The following BICDL1 variants were observed in gnomAD, a reference collection of about 807,000 sequenced individuals.
BICDL1 encodes BICD family-like cargo adapter 1.
BICDL1 carries 20 observed loss-of-function variants against 76.8 expected under a neutral mutation model. The observed-to-expected ratio is 0.26, with a 90% CI of 0.18 to 0.38. The LOEUF is 0.38. BICDL1 is among the 10% of genes least tolerant of loss of function. BICDL1 has a pLI of 1.00. For missense variants in BICDL1, 700 were observed against 798.6 expected (o/e 0.88, Z 1.49); for synonymous variants, 383 against 337.1 (o/e 1.14, Z -1.49).
intron 2 of BICDL1, among the ~76,000 whole-genome samples, chr12:120,049,811 T>TG (rs1952818475): frequency 6.6e-6 from 1 of 152,146 alleles, no homozygotes; most frequent in Non-Finnish European, 1.5e-5. Context: ...TCTTCCAATT[T>TG]GGTAATTTTC....
intron 2 of BICDL1, among the ~76,000 whole-genome samples, chr12:120,032,745 A>ATT (rs35727779): frequency 0.069 from 8,600 of 124,422 alleles, 887 homozygotes; most frequent in African/African-American, 0.19. Context: ...TACATCTATA[A>ATT]TTTTTTTTTT....
rs759158053 is a variant in BICDL1, at chr12:120,093,191, G to C, written c.*30G>C. 6.4e-7 allele frequency: 1 copy of C among 1,560,540 alleles called. No homozygotes were observed. Among genetic ancestry groups the C allele is most frequent in the Non-Finnish European group, 8.7e-7 (1 of 1,151,716 alleles). ...GGAGGAGTCAGGCCACCAAAGATGG[G>C]TGGACTGGAGGCAGCTGGAAAGGCG... On this transcript the variant is annotated 3_prime_UTR_variant, in exon 10 of 10. Coordinates refer to ENST00000548673, the MANE Select transcript of BICDL1 (RefSeq NM_001367886.1).
In BICDL1 at chr12:120,091,361, A is replaced by C. The variant is rs1874951720; in HGVS notation, c.1704+1290A>C. The C allele has an allele frequency of 2.6e-5, 26 of 1,005,840 alleles. No individual in the cohort carries two copies. The South Asian group carries it at 1.0e-3, about 39-fold the overall frequency. 62.3% of individuals were successfully genotyped at this position (1,005,840 alleles called of 1,614,324 possible). A position where few individuals can be genotyped will look rare whatever the true frequency, so the allele number is the denominator to read the frequency against. ...TGATTGCTTAAAGTTAAAAAAATGA[A>C]GTTTTCAGTGTGCCAAACAAAACAT... On this transcript the variant is annotated intron_variant, in intron 9 of 9. Coordinates refer to ENST00000548673, the MANE Select transcript of BICDL1 (RefSeq NM_001367886.1).
At chr12:120,042,804 CA>C (rs538558620) in intron 2 of BICDL1, among the ~76,000 whole-genome samples, 404 of 120,536 alleles carry the variant, frequency 3.4e-3, no homozygotes, top group South Asian at 6.4e-3. Context: ...GACTCCCCCT[CA>C]AAAAAAAAAA....
chr12:120,063,385 G>A (rs1017530473), intron 3 of BICDL1, among the ~76,000 whole-genome samples: 8 of 152,126 alleles, frequency 5.3e-5, no homozygotes, highest in African/African-American at 1.7e-4. Flanking sequence ...TGATCTCTCT[G>A]GACAAAGGCC....
Position 120,021,773 on chromosome 12 carries a change from C to T in BICDL1, c.645+23037C>T, listed in dbSNP as rs533295931. On this transcript the variant is annotated intron_variant, in intron 2 of 9. Transcript: ENST00000548673. ...TACTAAAATTAGCTGGGCGTGGTGG[C>T]GCATGCCTGTAATCCCAGCTACTCG... is the stretch of plus-strand genomic sequence containing the variant. Among the ~76,000 whole-genome samples the T allele has an allele frequency of 8.0e-5, 12 of 150,938 alleles. No individual in the cohort carries two copies. The East Asian group carries it at 1.8e-3, about 22-fold the overall frequency.
intron 2 of BICDL1, among the ~76,000 whole-genome samples, chr12:120,016,732 T>C (rs867220960): frequency 1.5e-4 from 23 of 152,068 alleles, no homozygotes; most frequent in African/African-American, 4.6e-4. Context: ...TCTGTAACTT[T>C]TTAAGAAACC....
intron 2 of BICDL1, among the ~76,000 whole-genome samples, chr12:120,009,141 C>A (rs529580615): frequency 3.3e-5 from 5 of 152,268 alleles, no homozygotes; most frequent in Non-Finnish European, 5.9e-5. Context: ...GCACACGCCA[C>A]CACACCCAGC....
chr12:120,045,002 A>G (rs1160214365), intron 2 of BICDL1, among the ~76,000 whole-genome samples: 1 of 152,226 alleles, frequency 6.6e-6, no homozygotes, highest in Non-Finnish European at 1.5e-5. Context: ...AAAACGAGAG[A>G]AAATTTTCGC....
At chr12:120,011,009 T>A (rs979780191) in intron 2 of BICDL1, among the ~76,000 whole-genome samples, 2 of 152,182 alleles carry the variant, frequency 1.3e-5, no homozygotes, top group Non-Finnish European at 2.9e-5. Context: ...ATACTGAAGT[T>A]GTTGTGACGG....
intron 4 of BICDL1, among the ~76,000 whole-genome samples, chr12:120,066,400 G>C (rs1276047149): frequency 6.6e-6 from 1 of 152,168 alleles, no homozygotes; most frequent in Non-Finnish European, 1.5e-5. Context: ...GAAACTTTCA[G>C]TTCAGCATGA....
chr12:120,000,976 C>A (rs1045187356), intron 2 of BICDL1, among the ~76,000 whole-genome samples: 11 of 152,130 alleles, frequency 7.2e-5, no homozygotes, highest in South Asian at 2.1e-4. Flanking sequence ...ATAGAAAATC[C>A]TGATAAGCTG....
intron 2 of BICDL1, among the ~76,000 whole-genome samples, chr12:120,045,686 G>A (rs1434177152): frequency 9.0e-4 from 134 of 149,226 alleles, no homozygotes; most frequent in African/African-American, 3.0e-3. Context: ...ACCAGACACC[G>A]CATATTCTCA....
chr12:120,077,143 T>A (rs149726904), intron 7 of BICDL1, among the ~76,000 whole-genome samples: 101 of 152,354 alleles, frequency 6.6e-4, no homozygotes, highest in African/African-American at 2.3e-3. Flanking sequence ...CTTTTCTCTC[T>A]TGAAAACTAG....
At chr12:120,054,261 G>T (rs1159683434) in intron 2 of BICDL1, among the ~76,000 whole-genome samples, 1 of 151,968 alleles carries the variant, frequency 6.6e-6, no homozygotes, top group Non-Finnish European at 1.5e-5. Flanking sequence ...TTTTAGTAGA[G>T]ATAGAGTTTC....
In BICDL1 at chr12:120,094,384, A is replaced by G. The variant is rs1324459434; in HGVS notation, c.*1223A>G. 7 of 423,358 alleles carry G rather than the reference A, an allele frequency of 1.7e-5. No homozygotes were observed. The highest frequency in any genetic ancestry group is 3.4e-5 in the Non-Finnish European group (7 of 207,686). The allele number at this position is 423,358 out of a possible 1,614,324, so 26.2% of individuals were successfully genotyped here. ...AGCAATCATGTAAATACATGTATGGATTTTATAATATACATATATAAAAAT... is the reference window on the plus strand; with the variant it reads ...AGCAATCATGTAAATACATGTATGGGTTTTATAATATACATATATAAAAAT... On this transcript the variant is annotated 3_prime_UTR_variant, in exon 10 of 10. Transcript: ENST00000548673.
chr12:120,057,818 C>CTTTTTTTTTT (rs143777152), intron 2 of BICDL1, among the ~76,000 whole-genome samples: 49 of 78,320 alleles, frequency 6.3e-4, no homozygotes, highest in African/African-American at 2.9e-3. Flanking sequence ...GCGATTCCTG[C>CTTTTTTTTTT]TTTTTTTTTT....
chr12:120,076,885 T>A (rs1420823988), intron 7 of BICDL1, among the ~76,000 whole-genome samples: 1 of 152,226 alleles, frequency 6.6e-6, no homozygotes, highest in South Asian at 2.1e-4. Flanking sequence ...TGGTTCAACA[T>A]CCACTGACAC....
chr12:120,064,938 C>A, intron 4 of BICDL1, 59 bp downstream of exon 4: 1 of 1,526,994 alleles, frequency 6.5e-7, no homozygotes, highest in South Asian at 1.3e-5. Context: ...AGCACTTAGC[C>A]AAAAAGAAAA....
Sources: gnomAD v4.1 joint callset for allele counts (sites outside exome capture counted in the v4.1 genomes callset) on GRCh38, gnomAD v4.1.1 for gene constraint, MANE v1.5 for transcripts, NCBI Gene and HGNC (gene_info 2026-07-23, HGNC 2026-07-21) for gene names.